The following MACROD2 variants were observed in gnomAD, a reference collection of about 807,000 sequenced individuals.
MACROD2 encodes mono-ADP ribosylhydrolase 2, also known as ADP-ribose glycohydrolase MACROD2.
MACROD2 carries 36 observed loss-of-function variants against 70.4 expected under a neutral mutation model. The ratio of observed to expected loss-of-function variants is 0.51; its 90% CI spans 0.39 to 0.68. The LOEUF is 0.68. Ranked by LOEUF, MACROD2 falls within the 30% of genes least tolerant of loss-of-function variation. The pLI, the probability that MACROD2 is intolerant of heterozygous loss-of-function variation, is 0.00. For missense variants in MACROD2, 496 were observed against 538.4 expected, an observed-to-expected ratio of 0.92 and a Z score of 0.78; for synonymous variants, 172 against 178.8, an observed-to-expected ratio of 0.96 and a Z score of 0.30.
At chr20:15,555,719 C>G (rs950474833) in intron 8 of MACROD2, among the ~76,000 whole-genome samples, 6 of 150,540 alleles carry the variant, frequency 4.0e-5, no homozygotes, top group African/African-American at 1.5e-4. Context: ...GTCCCAGCTA[C>G]TCGGGAGGCT....
chr20:15,381,659 C>A (rs1443208726), intron 6 of MACROD2, among the ~76,000 whole-genome samples: 3 of 152,014 alleles, frequency 2.0e-5, no homozygotes, highest in African/African-American at 7.2e-5. Context: ...GAAGGAGACC[C>A]TGTCTCAAAA....
intron 9 of MACROD2, among the ~76,000 whole-genome samples, chr20:15,875,631 A>G (rs1480584559): frequency 6.6e-6 from 1 of 151,940 alleles, no homozygotes; most frequent in Non-Finnish European, 1.5e-5. Context: ...AGCAGCCGGC[A>G]TAGACAGAAA....
chr20:14,348,274 A>ATAAAT (rs200603330), intron 3 of MACROD2, among the ~76,000 whole-genome samples: 3,767 of 135,822 alleles, frequency 0.028, 57 homozygotes, highest in African/African-American at 0.034. Flanking sequence ...GTCTCAAAAA[A>ATAAAT]AAAAAAATAA....
At position 14,759,298 on chromosome 20, in the gene MACROD2, G is replaced by A. The variant is rs568822154; in HGVS notation, c.418+74339G>A. On this transcript the variant is annotated intron_variant, in intron 5 of 17. Coordinates refer to ENST00000684519, the MANE Select transcript of MACROD2 (RefSeq NM_001351661.2). ...TTAAATAATTTCTACTACATAGGAAGCTGCTGAAAAATTTTAAAGAGTATT... is the reference window on the plus strand; with the variant it reads ...TTAAATAATTTCTACTACATAGGAAACTGCTGAAAAATTTTAAAGAGTATT... 5.1e-4 allele frequency among the ~76,000 whole-genome samples: 77 copies of A among 152,140 alleles called. 1 individual carries two copies. The highest frequency in any genetic ancestry group is 1.8e-3 in the African/African-American group (74 of 41,474).
At chr20:15,845,702 C>T (rs1484102557) in intron 8 of MACROD2, among the ~76,000 whole-genome samples, 1 of 152,032 alleles carries the variant, frequency 6.6e-6, no homozygotes, top group Non-Finnish European at 1.5e-5. Flanking sequence ...CAAATTAAGC[C>T]TTGATAAGAG....
At chr20:14,663,934 T>C (rs2070707353) in intron 4 of MACROD2, among the ~76,000 whole-genome samples, 1 of 152,056 alleles carries the variant, frequency 6.6e-6, no homozygotes, top group African/African-American at 2.4e-5. Flanking sequence ...CTTATGGCCA[T>C]TAACAAAAAA....
In MACROD2 at chr20:14,093,743, T is replaced by C. The variant is rs141398404; in HGVS notation, c.271+8015T>C. 2.0e-5 allele frequency among the ~76,000 whole-genome samples: 3 copies of C among 151,172 alleles called. No homozygotes were observed. In the East Asian group the frequency reaches 5.8e-4, roughly 29 times the overall value. ...TGAGTGCTTATTATCAGTTAAGAAC[T>C]AGGTTGAACAGTGGAGGTAAAGACA... On this transcript the variant is annotated intron_variant, in intron 3 of 17. Transcript: ENST00000684519.
At chr20:15,353,251 G>A (rs537384167) in intron 6 of MACROD2, among the ~76,000 whole-genome samples, 23 of 152,262 alleles carry the variant, frequency 1.5e-4, no homozygotes, top group South Asian at 8.3e-4. Flanking sequence ...AAGAAATGGC[G>A]AAAGGATTCC....
intron 5 of MACROD2, among the ~76,000 whole-genome samples, chr20:15,007,378 A>C (rs1439559920): frequency 1.3e-5 from 2 of 149,442 alleles, no homozygotes; most frequent in African/African-American, 4.9e-5. Context: ...ACAAAAACAA[A>C]CAAAAAAAAA....
chr20:15,739,233 A>T (rs987334030), intron 8 of MACROD2, among the ~76,000 whole-genome samples: 1 of 152,210 alleles, frequency 6.6e-6, no homozygotes, highest in African/African-American at 2.4e-5. Context: ...AAGCAAGATG[A>T]ATTACGTTTT....
chr20:14,087,573 T>A (rs1309055906), intron 3 of MACROD2, among the ~76,000 whole-genome samples: 3 of 152,116 alleles, frequency 2.0e-5, no homozygotes, highest in African/African-American at 7.2e-5. Context: ...CTGGGTCATT[T>A]AATTGCCACC....
At chr20:15,628,301 C>A (rs1010774652) in intron 8 of MACROD2, among the ~76,000 whole-genome samples, 1 of 152,092 alleles carries the variant, frequency 6.6e-6, no homozygotes, top group Non-Finnish European at 1.5e-5. Context: ...AGCCTTTATC[C>A]CCATTTTCAT....
At chr20:15,446,702 C>T (rs113086506) in intron 7 of MACROD2, among the ~76,000 whole-genome samples, 5 of 152,340 alleles carry the variant, frequency 3.3e-5, no homozygotes, top group African/African-American at 9.6e-5. Flanking sequence ...TTCTGAATCC[C>T]TTAGCAAGCC....
chr20:15,667,507 C>CTATG (rs2049917485), intron 8 of MACROD2, among the ~76,000 whole-genome samples: 3 of 140,578 alleles, frequency 2.1e-5, no homozygotes, highest in African/African-American at 7.4e-5. Flanking sequence ...ATGTATCTAT[C>CTATG]TATCTATCTA....
Position 14,598,146 on chromosome 20 carries a change from A to G in MACROD2, c.302-86697A>G, listed in dbSNP as rs549281186. ...CATTCCCAGAAGCATTTCTACAAGCACTATGTTCATTGGCAGACTCACGCA... is the reference window on the plus strand; with the variant it reads ...CATTCCCAGAAGCATTTCTACAAGCGCTATGTTCATTGGCAGACTCACGCA... On this transcript the variant is annotated intron_variant, in intron 4 of 17. Coordinates refer to ENST00000684519, the MANE Select transcript of MACROD2 (RefSeq NM_001351661.2). Among the ~76,000 whole-genome samples the G allele has an allele frequency of 1.1e-4, 17 of 152,228 alleles. No individual in the cohort carries two copies. The South Asian group carries it at 3.1e-3, about 28-fold the overall frequency.
At chr20:15,381,577 G>T (rs575775310) in intron 6 of MACROD2, among the ~76,000 whole-genome samples, 2 of 152,064 alleles carry the variant, frequency 1.3e-5, no homozygotes, top group African/African-American at 4.8e-5. Flanking sequence ...GAGGTGGGAG[G>T]ATTGACTGAG....
intron 12 of MACROD2, among the ~76,000 whole-genome samples, chr20:15,938,068 A>G (rs1210087599): frequency 2.0e-5 from 3 of 149,796 alleles, no homozygotes; most frequent in African/African-American, 7.4e-5. Context: ...TATTTCCAGA[A>G]AAAGTAAAAA....
At chr20:15,111,216 A>G (rs2075952868) in intron 5 of MACROD2, among the ~76,000 whole-genome samples, 1 of 143,474 alleles carries the variant, frequency 7.0e-6, no homozygotes, top group South Asian at 2.1e-4. Context: ...TCTGTTGCCC[A>G]GGTTGGGGTG....
At chr20:14,871,239 A>C (rs145762399) in intron 5 of MACROD2, among the ~76,000 whole-genome samples, 1 of 152,274 alleles carries the variant, frequency 6.6e-6, no homozygotes, top group African/African-American at 2.4e-5. Context: ...CAGAAATGAA[A>C]GAAAAAAATG....
Sources: gnomAD v4.1 joint callset for allele counts (sites outside exome capture counted in the v4.1 genomes callset) on GRCh38, gnomAD v4.1.1 for gene constraint, MANE v1.5 for transcripts, NCBI Gene and HGNC (gene_info 2026-07-23, HGNC 2026-07-21) for gene names.